The following RPAP3 variants were observed in gnomAD, a reference collection of about 807,000 sequenced individuals.
RPAP3 encodes the protein RNA polymerase II associated protein 3.
Under a neutral mutation model 88.8 loss-of-function variants are expected in RPAP3, and 58 were observed. That is an observed-to-expected ratio of 0.65 (90% CI 0.53 to 0.81). RPAP3 has a LOEUF of 0.81. Among genes scored for constraint, RPAP3 ranks in the 40% least tolerant of loss-of-function variants. The pLI, the probability that RPAP3 is intolerant of heterozygous loss-of-function variation, is 0.00. For missense variants in RPAP3, 751 were observed against 764.3 expected, an observed-to-expected ratio of 0.98 and a Z score of 0.20; for synonymous variants, 255 against 259.9, an observed-to-expected ratio of 0.98 and a Z score of 0.18.
intron 12 of RPAP3, among the ~76,000 whole-genome samples, chr12:47,673,201 G>C (rs1939035897): frequency 1.3e-5 from 2 of 152,062 alleles, no homozygotes; most frequent in African/African-American, 4.8e-5. Context: ...CTAGCACTTT[G>C]GGAGGCCAAG....
intron 12 of RPAP3, among the ~76,000 whole-genome samples, chr12:47,672,532 T>C (rs964032844): frequency 2.0e-5 from 3 of 152,264 alleles, no homozygotes; most frequent in Non-Finnish European, 2.9e-5. Flanking sequence ...TTAACTAACT[T>C]GCTCAAGATT....
chr12:47,700,373 T>C (rs1939633398), intron 3 of RPAP3, among the ~76,000 whole-genome samples: 1 of 152,168 alleles, frequency 6.6e-6, no homozygotes, highest in Non-Finnish European at 1.5e-5. Context: ...AAAATTCTCT[T>C]TAAGTTAGAT....
chr12:47,680,862 C>T (rs1939209120), intron 10 of RPAP3, among the ~76,000 whole-genome samples: 1 of 149,956 alleles, frequency 6.7e-6, no homozygotes, highest in Non-Finnish European at 1.5e-5. Flanking sequence ...AAATCAATCA[C>T]TAACAGAAAT....
Position 47,702,673 on chromosome 12 carries a change from G to T in RPAP3, c.153+15C>A, listed in dbSNP as rs553154689. 5 of 1,515,634 alleles carry T rather than the reference G, an allele frequency of 3.3e-6. No individual in the cohort carries two copies. Among genetic ancestry groups the T allele is most frequent in the African/African-American group, 2.8e-5 (2 of 70,772 alleles). 93.9% of individuals were successfully genotyped at this position (1,515,634 alleles called of 1,614,324 possible). A position where few individuals can be genotyped will look rare whatever the true frequency, so the allele number is the denominator to read the frequency against. On this transcript the variant is annotated intron_variant, in intron 2 of 16. Transcript: ENST00000005386. The stretch of plus-strand genomic sequence containing the variant: ...ATTAGTTTTGGTGGATCTTAATTAC[G>T]AATTCTTAATTTACCTCTTCAGGAA...
At chr12:47,680,837 T>C (rs1466121549) in intron 10 of RPAP3, among the ~76,000 whole-genome samples, 1 of 142,110 alleles carries the variant, frequency 7.0e-6, no homozygotes, top group Non-Finnish European at 1.5e-5. Flanking sequence ...GCCCGAAGAG[T>C]TTTTTAAAAA....
intron 12 of RPAP3, among the ~76,000 whole-genome samples, chr12:47,676,965 CTGA>C (rs1395302418): frequency 6.6e-6 from 1 of 152,174 alleles, no homozygotes; most frequent in African/African-American, 2.4e-5. Context: ...ACCAATATCC[CTGA>C]TGAACATCAA....
chr12:47,687,955 A>G lies in RPAP3; in HGVS notation c.785T>C (p.Val262Ala), dbSNP rs1465178509. ...TCGCTCTCCTTCTGTTGACTTAATC[A>G]CTATGTCAGCTTCCTTTGGATATGA... ...ENSYPKEADI[V>A]IKSTEGERKQ... Residue 262 changes from valine to alanine, a missense_variant, in exon 8 of 17, where the codon GTG becomes GCG. Physicochemically the swap from Val to Ala is moderately conservative, Grantham distance 64. Transcript: ENST00000005386. The G allele has an allele frequency of 3.7e-6, 6 of 1,613,482 alleles. No homozygotes were observed. The highest frequency in any genetic ancestry group is 5.1e-6 in the Non-Finnish European group (6 of 1,179,730).
At chr12:47,669,401 A>G (rs1938949647) in intron 13 of RPAP3, among the ~76,000 whole-genome samples, 1 of 152,146 alleles carries the variant, frequency 6.6e-6, no homozygotes, top group Non-Finnish European at 1.5e-5. Flanking sequence ...TGTCACATAC[A>G]CTAATGATTT....
intron 9 of RPAP3, among the ~76,000 whole-genome samples, chr12:47,683,246 G>A (rs924088573): frequency 3.3e-5 from 5 of 152,188 alleles, no homozygotes; most frequent in Admixed American, 1.3e-4. Flanking sequence ...CCTTCATAGC[G>A]CTATCTTAGC....
At chr12:47,704,184 A>T (rs1939720560) in intron 1 of RPAP3, among the ~76,000 whole-genome samples, 2 of 152,156 alleles carry the variant, frequency 1.3e-5, no homozygotes, top group African/African-American at 4.8e-5. Flanking sequence ...GAGAACACTA[A>T]ACGGAGAAAG....
chr12:47,682,391 C>A (rs1939238477), intron 9 of RPAP3, among the ~76,000 whole-genome samples: 1 of 152,072 alleles, frequency 6.6e-6, no homozygotes, highest in Non-Finnish European at 1.5e-5. Flanking sequence ...CAACCCCCTC[C>A]ACCAAAAAAA....
At chr12:47,675,299 A>T (rs1310180934) in intron 12 of RPAP3, among the ~76,000 whole-genome samples, 1 of 152,206 alleles carries the variant, frequency 6.6e-6, no homozygotes, top group African/African-American at 2.4e-5. Flanking sequence ...AAACAGGCCA[A>T]ATTGTAAAGA....
chr12:47,688,051 A>AT (rs763220011), intron 7 of RPAP3, 50 bp from the exon 8 acceptor site: 1 of 1,509,594 alleles, frequency 6.6e-7, no homozygotes, highest in Non-Finnish European at 8.9e-7. Flanking sequence ...TGCAAGATGC[A>AT]TATATATTTG....
At chr12:47,702,330 G>C (rs1453049718) in intron 2 of RPAP3, among the ~76,000 whole-genome samples, 1 of 152,042 alleles carries the variant, frequency 6.6e-6, no homozygotes, top group Non-Finnish European at 1.5e-5. Flanking sequence ...TGGATCACTT[G>C]AGGTCAACAG....
intron 1 of RPAP3, among the ~76,000 whole-genome samples, chr12:47,705,608 C>A (rs1260082792): frequency 6.6e-6 from 1 of 152,224 alleles, no homozygotes; most frequent in African/African-American, 2.4e-5. Flanking sequence ...CCCGCTGTCC[C>A]GGCGAACACC....
intron 10 of RPAP3, among the ~76,000 whole-genome samples, 162 bp from the exon 11 acceptor site, chr12:47,679,936 G>C (rs374545497): frequency 1.6e-4 from 25 of 152,134 alleles, no homozygotes; most frequent in African/African-American, 6.0e-4. Flanking sequence ...AACATTTACT[G>C]AACACTGTTG....
rs544916603 is a variant in RPAP3, at chr12:47,668,719, T to C, written c.1713+197A>G. ...TTATTTGAGACAATAGAATTTGACA[T>C]AGAATCTATTGCCAAAGGAGAACAT... On this transcript the variant is annotated intron_variant, in intron 14 of 16. Coordinates refer to ENST00000005386, the MANE Select transcript of RPAP3 (RefSeq NM_024604.3). Among the ~76,000 whole-genome samples the C allele has an allele frequency of 4.6e-5, 7 of 152,344 alleles. No individual in the cohort carries two copies. In the East Asian group the frequency reaches 9.6e-4, roughly 21 times the overall value.
chr12:47,663,548 T>G lies in RPAP3; in HGVS notation c.1955A>C (p.Lys652Thr), dbSNP rs1938803202. Residue 652 changes from lysine to threonine, a missense_variant, in exon 17 of 17, where the codon AAG becomes ACG. Coordinates refer to ENST00000005386, the MANE Select transcript of RPAP3 (RefSeq NM_024604.3). Reference protein sequence around the residue: ...LFNHIDKSGLKDSSVEELKKR... With the variant: ...LFNHIDKSGLTDSSVEELKKR... ...CTTGAGTTCTTCGACAGAACTATCCTTCAATCCTGACTTGTCTATGTGATT... is the reference window on the plus strand; with the variant it reads ...CTTGAGTTCTTCGACAGAACTATCCGTCAATCCTGACTTGTCTATGTGATT... 1 of 1,591,238 alleles carries G rather than the reference T, an allele frequency of 6.3e-7. No individual in the cohort carries two copies. Among genetic ancestry groups the G allele is most frequent in the Non-Finnish European group, 8.5e-7 (1 of 1,170,052 alleles).
chr12:47,686,549 C>CAT lies in RPAP3; in HGVS notation c.992+230_992+231insAT, dbSNP rs1258627533. ...ACATAAACACACACATACACATACA[C>CAT]ACACACACACACACACACACACACA... On this transcript the variant is annotated intron_variant, in intron 9 of 16. Coordinates refer to ENST00000005386, the MANE Select transcript of RPAP3 (RefSeq NM_024604.3). Among the ~76,000 whole-genome samples, 8 of 145,492 alleles carry CAT rather than the reference C, an allele frequency of 5.5e-5. No individual in the cohort carries two copies. In the East Asian group the frequency reaches 5.9e-4, roughly 11 times the overall value.
Sources: gnomAD v4.1 joint callset for allele counts (sites outside exome capture counted in the v4.1 genomes callset) on GRCh38, gnomAD v4.1.1 for gene constraint, MANE v1.5 for transcripts, NCBI Gene and HGNC (gene_info 2026-07-23, HGNC 2026-07-21) for gene names.